MORC1: variants seen among roughly 807,000 people sequenced by gnomAD.
MORC1 encodes the protein MORC family CW-type zinc finger 1, also known as MORC family CW-type zinc finger protein 1.
A neutral mutation model predicts 134.9 loss-of-function variants in MORC1; 59 were observed. That is an observed-to-expected ratio of 0.44 (90% CI 0.35 to 0.54). The LOEUF is 0.54. Among genes scored for constraint, MORC1 ranks in the 20% least tolerant of loss-of-function variants. MORC1 has a pLI of 0.00. For missense variants in MORC1, 947 were observed against 1,134.5 expected, an observed-to-expected ratio of 0.83 and a Z score of 2.37; for synonymous variants, 395 against 391.7, an observed-to-expected ratio of 1.01 and a Z score of -0.10.
intron 14 of MORC1, among the ~76,000 whole-genome samples, chr3:109,045,954 G>T (rs1668736496): frequency 6.6e-6 from 1 of 152,088 alleles, no homozygotes; most frequent in Admixed American, 6.6e-5. Context: ...TCTTAAGTGT[G>T]AGGACCTCCG....
At chr3:109,089,856 A>C (rs1463925105) in intron 8 of MORC1, among the ~76,000 whole-genome samples, 1 of 152,074 alleles carries the variant, frequency 6.6e-6, no homozygotes, top group African/African-American at 2.4e-5. Context: ...GATTTTTTAC[A>C]AAGTTATTTT....
chr3:109,107,950 C>G (rs1358042839), intron 3 of MORC1, among the ~76,000 whole-genome samples: 1 of 152,132 alleles, frequency 6.6e-6, no homozygotes, highest in African/African-American at 2.4e-5. Context: ...AATCCCAGCA[C>G]TTTGGGAGGC....
chr3:109,097,521 G>C (rs1950851167), intron 6 of MORC1, among the ~76,000 whole-genome samples: 1 of 152,168 alleles, frequency 6.6e-6, no homozygotes, highest in East Asian at 1.9e-4. Context: ...ACAGAAGAGA[G>C]GGGAAGGGAA....
rs879745540 is a variant in MORC1 at position 108,996,262 on chromosome 3, ATGTG to A, written c.2187+4291_2187+4294del. Among the ~76,000 whole-genome samples, 430 of 103,634 alleles carry A rather than the reference ATGTG, an allele frequency of 4.1e-3. 1 individual carries two copies. The highest frequency in any genetic ancestry group is 7.4e-3 in the Admixed American group (80 of 10,850). The allele number at this position is 103,634 out of a possible 152,430, so 68.0% of individuals were successfully genotyped here. A position where few individuals can be genotyped will look rare whatever the true frequency, so the allele number is the denominator to read the frequency against. Reference sequence around the variant, plus strand: ...TACCACAATACACATGCCTGTGCACATGTGCGCGTGCGTGCGCGCGCGCGCACAC... The same window carrying A: ...TACCACAATACACATGCCTGTGCACACGCGTGCGTGCGCGCGCGCGCACAC... On this transcript the variant is annotated intron_variant, in intron 21 of 27. Transcript: ENST00000232603.
At chr3:109,021,569 C>A (rs1450179757) in intron 17 of MORC1, among the ~76,000 whole-genome samples, 4 of 152,198 alleles carry the variant, frequency 2.6e-5, no homozygotes, top group South Asian at 2.1e-4. Context: ...CAGGAGTAGA[C>A]AACAATGGAT....
chr3:109,065,911 G>T (rs1328219949), intron 9 of MORC1, among the ~76,000 whole-genome samples: 1 of 152,128 alleles, frequency 6.6e-6, no homozygotes, highest in African/African-American at 2.4e-5. Context: ...AATTAACACA[G>T]AAACAGAAAA....
Position 108,971,545 on chromosome 3 carries a change from C to T in MORC1, c.2478-143G>A, listed in dbSNP as rs1004413585. The T allele has an allele frequency of 3.9e-5, 26 of 669,044 alleles. No individual in the cohort carries two copies. In the African/African-American group the frequency reaches 4.6e-4, roughly 12 times the overall value. The allele number at this position is 669,044 out of a possible 1,614,324, so 41.4% of individuals were successfully genotyped here. On this transcript the variant is annotated intron_variant, in intron 24 of 27. Coordinates refer to ENST00000232603, the MANE Select transcript of MORC1 (RefSeq NM_014429.4). ...TTCCCCCCAAACATTTTGTTTTTATCACTGACATCAAAGTGTTCTTCAGAA... is the reference window on the plus strand; with the variant it reads ...TTCCCCCCAAACATTTTGTTTTTATTACTGACATCAAAGTGTTCTTCAGAA...
chr3:108,964,663 A>G (rs1947168987), intron 26 of MORC1, among the ~76,000 whole-genome samples: 1 of 152,214 alleles, frequency 6.6e-6, no homozygotes, highest in Non-Finnish European at 1.5e-5. Flanking sequence ...ACTCGAAAGC[A>G]CTGCATTTAA....
intron 17 of MORC1, among the ~76,000 whole-genome samples, chr3:109,023,094 T>C (rs1185981218): frequency 6.6e-6 from 1 of 152,120 alleles, no homozygotes; most frequent in Non-Finnish European, 1.5e-5. Flanking sequence ...GTAAATGAAA[T>C]GAAGGAGATA....
intron 21 of MORC1, among the ~76,000 whole-genome samples, chr3:108,991,778 C>G (rs1948066360): frequency 6.6e-6 from 1 of 152,180 alleles, no homozygotes; most frequent in Non-Finnish European, 1.5e-5. Context: ...TATCTTTGAC[C>G]ACTTGGTCAG....
intron 8 of MORC1, among the ~76,000 whole-genome samples, chr3:109,091,694 A>C (rs1184462824): frequency 2.0e-5 from 3 of 152,080 alleles, no homozygotes; most frequent in African/African-American, 7.2e-5. Context: ...TCAGTTCAGA[A>C]ACTATGAATC....
intron 21 of MORC1, among the ~76,000 whole-genome samples, chr3:108,993,206 C>T (rs955936566): frequency 2.0e-5 from 3 of 152,196 alleles, no homozygotes; most frequent in Non-Finnish European, 2.9e-5. Flanking sequence ...TTCAGCACAA[C>T]AATCAGATAC....
At chr3:109,114,593 G>A (rs1332816179) in intron 1 of MORC1, among the ~76,000 whole-genome samples, 156 bp from the exon 2 acceptor site, 2 of 152,126 alleles carry the variant, frequency 1.3e-5, no homozygotes, top group Admixed American at 6.5e-5. Flanking sequence ...GTCAAGATTC[G>A]GAACTAGATA....
intron 8 of MORC1, among the ~76,000 whole-genome samples, chr3:109,091,653 C>T (rs1055380671): frequency 1.6e-4 from 25 of 152,066 alleles, no homozygotes; most frequent in East Asian, 1.9e-4. Flanking sequence ...TCACAGTACT[C>T]GTGTCAGAGG....
At position 109,099,345 on chromosome 3, in the gene MORC1, C is replaced by T; in HGVS notation, c.423+13G>A. 6.3e-7 allele frequency: 1 copy of T among 1,583,018 alleles called. No homozygotes were observed. Among genetic ancestry groups the T allele is most frequent in the East Asian group, 2.3e-5 (1 of 44,306 alleles). On this transcript the variant is annotated intron_variant, in intron 6 of 27. Coordinates refer to ENST00000232603, the MANE Select transcript of MORC1 (RefSeq NM_014429.4). ...CATTGCTATGGGAACAGAAGGAAAA[C>T]TTCAACTCTTACCTCACTAAGACTT...
chr3:109,017,802 C>T (rs1463806210), intron 17 of MORC1, among the ~76,000 whole-genome samples: 1 of 151,876 alleles, frequency 6.6e-6, no homozygotes, highest in Non-Finnish European at 1.5e-5. Context: ...GAATCATTAC[C>T]CTAGAAAGCT....
chr3:109,110,342 A>T (rs1351505315), intron 3 of MORC1: 4 of 162,110 alleles, frequency 2.5e-5, no homozygotes, highest in African/African-American at 4.8e-5. Context: ...AAGAAAACAG[A>T]TTTGGTTTGG....
At chr3:109,042,942 T>C (rs905672251) in intron 14 of MORC1, among the ~76,000 whole-genome samples, 5 of 151,794 alleles carry the variant, frequency 3.3e-5, no homozygotes, top group Non-Finnish European at 7.4e-5. Flanking sequence ...TGGGGAGATG[T>C]TGGTAAAAGG....
intron 24 of MORC1, among the ~76,000 whole-genome samples, chr3:108,977,912 C>CT (rs576903831): frequency 9.9e-4 from 151 of 152,240 alleles, no homozygotes; most frequent in African/African-American, 3.4e-3. Flanking sequence ...GAGTCTTGCT[C>CT]TGTCACCCAG....
Sources: gnomAD v4.1 joint callset for allele counts (sites outside exome capture counted in the v4.1 genomes callset) on GRCh38, gnomAD v4.1.1 for gene constraint, MANE v1.5 for transcripts, NCBI Gene and HGNC (gene_info 2026-07-23, HGNC 2026-07-21) for gene names.